MCC: variants seen among roughly 807,000 people sequenced by gnomAD.
MCC encodes the protein MCC regulator of Wnt signaling pathway.
MCC carries 90 observed loss-of-function variants against 116.2 expected under a neutral mutation model. That is an observed-to-expected ratio of 0.77 (90% CI 0.65 to 0.92). The LOEUF is 0.92. Among genes scored for constraint, MCC ranks in the 40% least tolerant of loss-of-function variants. The pLI, the probability that MCC is intolerant of heterozygous loss-of-function variation, is 0.00. For synonymous variants in MCC, 578 were observed against 510.5 expected (o/e 1.13, Z -1.78); for missense variants, 1,516 against 1,312.2 (o/e 1.16, Z -2.40).
At chr5:113,256,286 A>C (rs1379404338) in intron 3 of MCC, among the ~76,000 whole-genome samples, 2 of 152,184 alleles carry the variant, frequency 1.3e-5, no homozygotes, top group African/African-American at 4.8e-5. Flanking sequence ...TGCTTATTTC[A>C]TTCATTGAAC....
chr5:113,156,182 CCT>C (rs1760159595), intron 3 of MCC, among the ~76,000 whole-genome samples: 2 of 152,312 alleles, frequency 1.3e-5, no homozygotes, highest in Admixed American at 1.3e-4. Flanking sequence ...AAGAAATAAA[CCT>C]CTGTTATACA....
chr5:113,213,649 G>A (rs1304241360), intron 3 of MCC, among the ~76,000 whole-genome samples: 3 of 152,208 alleles, frequency 2.0e-5, no homozygotes, highest in Non-Finnish European at 4.4e-5. Context: ...GAAAAGGCAA[G>A]CTCAGGGCTC....
chr5:113,427,538 A>C (rs995284635), intron 1 of MCC, among the ~76,000 whole-genome samples: 1 of 152,232 alleles, frequency 6.6e-6, no homozygotes, highest in Non-Finnish European at 1.5e-5. Flanking sequence ...TACTGCTTTT[A>C]AACTAACATG....
intron 3 of MCC, among the ~76,000 whole-genome samples, chr5:113,179,135 A>T (rs1230038969): frequency 6.6e-6 from 1 of 152,218 alleles, no homozygotes; most frequent in Non-Finnish European, 1.5e-5. Flanking sequence ...GCTTTCAGGA[A>T]TAACTGACAT....
At chr5:113,465,503 A>C (rs1223157462) in intron 1 of MCC, among the ~76,000 whole-genome samples, 2 of 152,196 alleles carry the variant, frequency 1.3e-5, no homozygotes, top group Non-Finnish European at 2.9e-5. Context: ...GAAAAAGTGA[A>C]GAAAAAGATT....
At chr5:113,473,994 G>C (rs561246654) in intron 1 of MCC, among the ~76,000 whole-genome samples, 1 of 152,288 alleles carries the variant, frequency 6.6e-6, no homozygotes, top group South Asian at 2.1e-4. Context: ...AAAGTTACAC[G>C]ACCAGTTAGT....
chr5:113,143,151 C>T (rs1168151010), intron 5 of MCC, 67 bp downstream of exon 5: 18 of 1,494,978 alleles, frequency 1.2e-5, no homozygotes, highest in Middle Eastern at 2.0e-4. Flanking sequence ...ATAGTTGGGG[C>T]TACTTCAGCT....
At chr5:113,269,283 A>T (rs1765526629) in intron 3 of MCC, 1 of 839,592 alleles carries the variant, frequency 1.2e-6, no homozygotes, top group South Asian at 5.5e-5. Flanking sequence ...GCAGGGAACC[A>T]GAGGCCAATG....
chr5:113,039,694 T>C (rs1751556848), intron 17 of MCC, among the ~76,000 whole-genome samples: 1 of 150,550 alleles, frequency 6.6e-6, no homozygotes, highest in African/African-American at 2.5e-5. Context: ...TCACTCAGCC[T>C]TGCCGTCCCA....
intron 2 of MCC, among the ~76,000 whole-genome samples, chr5:113,377,298 G>T (rs780299063): frequency 1.3e-5 from 2 of 152,108 alleles, no homozygotes; most frequent in African/African-American, 2.4e-5. Context: ...TTGAGGGGTT[G>T]TATAGGGGTC....
At chr5:113,108,421 G>A (rs1205418988) in intron 6 of MCC, among the ~76,000 whole-genome samples, 1 of 151,338 alleles carries the variant, frequency 6.6e-6, no homozygotes, top group African/African-American at 2.4e-5. Context: ...TTGGGAGGCT[G>A]AGGCGGGCAG....
rs565400835 is a variant in MCC at position 113,242,493 on chromosome 5, C to G, written c.628-91071G>C. Among the ~76,000 whole-genome samples the G allele has an allele frequency of 2.1e-4, 32 of 152,028 alleles. No homozygotes were observed. In the South Asian group the frequency reaches 6.6e-3, roughly 32 times the overall value. On this transcript the variant is annotated intron_variant, in intron 3 of 18. Transcript: ENST00000408903. ...TAAGTCTTACATTCACATTTAAAAA[C>G]AACTACGCAAAACAGAGATATGAAT...
intron 1 of MCC, among the ~76,000 whole-genome samples, chr5:113,393,733 TA>T (rs1284181056): frequency 6.6e-6 from 1 of 152,214 alleles, no homozygotes; most frequent in Non-Finnish European, 1.5e-5. Context: ...AAGGCATTCA[TA>T]ACATATAATC....
At chr5:113,252,082 C>T (rs1415917088) in intron 3 of MCC, among the ~76,000 whole-genome samples, 1 of 152,198 alleles carries the variant, frequency 6.6e-6, no homozygotes, top group Non-Finnish European at 1.5e-5. Flanking sequence ...CAACCCTATT[C>T]CTCCATTTAT....
intron 3 of MCC, among the ~76,000 whole-genome samples, chr5:113,333,292 C>A (rs548943842): frequency 1.3e-5 from 2 of 151,556 alleles, no homozygotes; most frequent in Admixed American, 1.3e-4. Flanking sequence ...CAGTTAATAA[C>A]GACTATATTA....
chr5:113,091,697 T>C (rs577871657), intron 8 of MCC, among the ~76,000 whole-genome samples: 9 of 152,026 alleles, frequency 5.9e-5, no homozygotes, highest in East Asian at 1.9e-4. Flanking sequence ...GCCTGGGCAA[T>C]AGCGCAAGAC....
At chr5:113,159,067 C>T (rs942760968) in intron 3 of MCC, among the ~76,000 whole-genome samples, 1 of 152,100 alleles carries the variant, frequency 6.6e-6, no homozygotes, top group African/African-American at 2.4e-5. Flanking sequence ...AGAAGGGTGG[C>T]AGGGCAAGTC....
At chr5:113,104,042 G>T in intron 7 of MCC, 150 bp downstream of exon 7, 2 of 708,682 alleles carry the variant, frequency 2.8e-6, no homozygotes, top group Non-Finnish European at 4.1e-6. Flanking sequence ...TAGAGCCCCC[G>T]CTTCTACACC....
At chr5:113,148,100 A>C (rs1201365523) in intron 4 of MCC, among the ~76,000 whole-genome samples, 1 of 152,268 alleles carries the variant, frequency 6.6e-6, no homozygotes, top group Non-Finnish European at 1.5e-5. Flanking sequence ...GTTGGTACTA[A>C]ATAAATAGCA....
Sources: allele counts gnomAD v4.1 joint callset (sites outside exome capture counted in the v4.1 genomes callset), GRCh38; gene constraint gnomAD v4.1.1; transcripts MANE v1.5; gene names NCBI Gene and HGNC (gene_info 2026-07-23, HGNC 2026-07-21).